Variants in MIOS observed in about 807,000 individuals in gnomAD.
The protein encoded by MIOS is meiosis regulator for oocyte development.
Under a neutral mutation model 96.9 loss-of-function variants are expected in MIOS, and 52 were observed. The observed-to-expected ratio is 0.54, with a 90% CI of 0.43 to 0.68. The LOEUF is 0.68. MIOS is among the 30% of genes least tolerant of loss of function. The probability of loss-of-function intolerance (pLI) is 0.00; values close to 1 mark genes in which losing one functional copy is unlikely to be tolerated. For missense variants in MIOS, 1,005 were observed against 1,052.8 expected, an observed-to-expected ratio of 0.95 and a Z score of 0.63; for synonymous variants, 397 against 359.5, an observed-to-expected ratio of 1.10 and a Z score of -1.18.
At chr7:7,595,238 C>G in intron 10 of MIOS, 106 bp downstream of exon 10, 1 of 1,241,406 alleles carries the variant, frequency 8.1e-7, no homozygotes, top group Non-Finnish European at 1.1e-6. Flanking sequence ...CCATTGATGT[C>G]TTTGTCTTTT....
intron 8 of MIOS, among the ~76,000 whole-genome samples, chr7:7,589,127 T>C (rs1783974427): frequency 6.6e-6 from 1 of 152,146 alleles, no homozygotes; most frequent in Admixed American, 6.5e-5. Flanking sequence ...CGCAGAATAA[T>C]GAGGACAATT....
At chr7:7,567,204 CGCCGGGCGGCCGGCCGCCTG>C (rs1332080403) in intron 1 of MIOS, 132 bp downstream of exon 1, 4 of 152,156 alleles carry the variant, frequency 2.6e-5, no homozygotes, top group African/African-American at 9.7e-5. Flanking sequence ...AGGGTAATCG[CGCCGGGCGGCCGGCCGCCTG>C]GCCGGGCCTC....
At chr7:7,580,512 T>G (rs965646338) in intron 5 of MIOS, among the ~76,000 whole-genome samples, 1 of 152,154 alleles carries the variant, frequency 6.6e-6, no homozygotes, top group Non-Finnish European at 1.5e-5. Context: ...ATTTCCAAAA[T>G]TTTACAAATA....
Position 7,605,962 on chromosome 7 carries a change from A to T in MIOS, c.2422A>T (p.Lys808Ter). ...SCPGGTKSDE[K>*]VDLSKDKKLA... ...CATAGGAGGAACCAAATCAGATGAA[A>T]AAGTGGACTTGAGCAAGGACAAAAA... The change falls in exon 12 of 13, where the codon AAA (lysine) becomes TAA (stop). Residue 808 changes from lysine (K) to a stop codon, truncating the protein, a stop_gained. Coordinates refer to ENST00000340080, the MANE Select transcript of MIOS (RefSeq NM_019005.4). LOFTEE classifies it high-confidence loss of function. 2.5e-6 allele frequency: 4 copies of T among 1,613,770 alleles called. No individual in the cohort carries two copies. The highest frequency in any genetic ancestry group is 3.4e-6 in the Non-Finnish European group (4 of 1,179,742).
At chr7:7,587,603 A>C (rs1783929295) in intron 7 of MIOS, among the ~76,000 whole-genome samples, 1 of 152,172 alleles carries the variant, frequency 6.6e-6, no homozygotes, top group African/African-American at 2.4e-5. Context: ...AATGGGACAG[A>C]ATAATGTTTA....
chr7:7,583,641 A>G (rs79269928), intron 6 of MIOS, among the ~76,000 whole-genome samples: 2 of 152,124 alleles, frequency 1.3e-5, no homozygotes, highest in African/African-American at 4.8e-5. Flanking sequence ...TCCATTTTCA[A>G]TGTTTTCTCT....
intron 11 of MIOS, chr7:7,605,688 C>G: frequency 5.8e-6 from 2 of 342,014 alleles, no homozygotes; most frequent in East Asian, 5.7e-5. Context: ...TTTGGTCTCT[C>G]CAAAGTTTTA....
chr7:7,582,636 A>G (rs542927568), intron 5 of MIOS: 2 of 979,192 alleles, frequency 2.0e-6, no homozygotes, highest in African/African-American at 3.5e-5. Flanking sequence ...ACAGAGAAAG[A>G]AGGAAGAAAG....
chr7:7,602,800 C>G (rs544062275), intron 11 of MIOS, among the ~76,000 whole-genome samples: 1 of 152,140 alleles, frequency 6.6e-6, no homozygotes, highest in East Asian at 1.9e-4. Context: ...GGAGGCATCA[C>G]ACTACCTGAC....
intron 11 of MIOS, among the ~76,000 whole-genome samples, chr7:7,601,771 AAAG>A (rs1324089141): frequency 6.6e-6 from 1 of 152,228 alleles, no homozygotes; most frequent in Non-Finnish European, 1.5e-5. Flanking sequence ...CACAACAAAA[AAAG>A]AGAATTTTAG....
intron 11 of MIOS, among the ~76,000 whole-genome samples, chr7:7,599,932 A>G (rs973936558): frequency 6.6e-6 from 1 of 152,180 alleles, no homozygotes; most frequent in Non-Finnish European, 1.5e-5. Context: ...CAGGAACAGA[A>G]AACCAAATAC....
intron 11 of MIOS, among the ~76,000 whole-genome samples, chr7:7,601,436 A>G (rs1784375858): frequency 1.3e-5 from 2 of 152,230 alleles, no homozygotes; most frequent in Non-Finnish European, 2.9e-5. Context: ...AGAGAATACC[A>G]TAAACACCTC....
chr7:7,588,735 A>T (rs1485049731), intron 8 of MIOS, among the ~76,000 whole-genome samples, 172 bp downstream of exon 8: 2 of 152,150 alleles, frequency 1.3e-5, no homozygotes, highest in African/African-American at 4.8e-5. Context: ...CCATAACTAA[A>T]TTTATTTGTT....
intron 9 of MIOS, among the ~76,000 whole-genome samples, chr7:7,594,654 T>G (rs1031969297): frequency 5.3e-5 from 8 of 152,194 alleles, no homozygotes; most frequent in African/African-American, 1.9e-4. Context: ...TTTTAATTGC[T>G]GGGACAAAGG....
At chr7:7,597,506 ATATATATATATG>A (rs1784247304) in intron 11 of MIOS, among the ~76,000 whole-genome samples, 2 of 62,806 alleles carry the variant, frequency 3.2e-5, no homozygotes, top group African/African-American at 1.1e-4. Flanking sequence ...ATATATATAT[ATATATATATATG>A]AAGGCAATAC....
Position 7,572,690 on chromosome 7 carries a change from A to C in MIOS, c.215A>C (p.Tyr72Ser). ...YMKCVAWYLN[Y>S]DPECLLAVGQ... Reference sequence around the variant, plus strand: ...AAATGTGTTGCCTGGTATCTTAATTATGATCCTGAATGTCTGCTGGCAGTT... The same window carrying C: ...AAATGTGTTGCCTGGTATCTTAATTCTGATCCTGAATGTCTGCTGGCAGTT... Residue 72 changes from tyrosine to serine, a missense_variant, in exon 4 of 13, where the codon TAT becomes TCT. Physicochemically the swap from Tyr to Ser is moderately radical, Grantham distance 144 (BLOSUM62 -2). This residue lies in a region of MIOS where 137 missense variants were observed against 148.6 expected (regional missense o/e 0.92). Transcript: ENST00000340080. This position sits in a 1 kb window ranked among gnomAD's most constrained non-coding sequence, Gnocchi z 4.8. 2 of 1,614,208 alleles carry C rather than the reference A, an allele frequency of 1.2e-6. No individual in the cohort carries two copies. The highest frequency in any genetic ancestry group is 1.7e-6 in the Non-Finnish European group (2 of 1,180,016).
intron 11 of MIOS, among the ~76,000 whole-genome samples, chr7:7,597,479 T>A (rs6973938): frequency 0.063 from 1,507 of 23,960 alleles, 31 homozygotes; most frequent in East Asian, 0.16. Flanking sequence ...TATATATATA[T>A]ATATATATAT....
intron 5 of MIOS, among the ~76,000 whole-genome samples, chr7:7,581,183 G>A (rs868284312): frequency 3.3e-5 from 5 of 151,338 alleles, no homozygotes; most frequent in African/African-American, 1.2e-4. Context: ...TTAGCCGGGT[G>A]TGGTGGTGTG....
In MIOS at chr7:7,607,216, C is replaced by A. The variant is rs1784557408; in HGVS notation, c.*124C>A. 1 of 655,464 alleles carries A rather than the reference C, an allele frequency of 1.5e-6. No individual in the cohort carries two copies. The highest frequency in any genetic ancestry group is 2.5e-6 in the Non-Finnish European group (1 of 395,454). 40.6% of individuals were successfully genotyped at this position (655,464 alleles called of 1,614,324 possible). ...ACCTGTAATGGGAAAATAAATCATTCTATCAGATCAGCAGTTTTGATGTTT... is the reference window on the plus strand; with the variant it reads ...ACCTGTAATGGGAAAATAAATCATTATATCAGATCAGCAGTTTTGATGTTT... On this transcript the variant is annotated 3_prime_UTR_variant, in exon 13 of 13. Coordinates refer to ENST00000340080, the MANE Select transcript of MIOS (RefSeq NM_019005.4).
Sources: gnomAD v4.1 joint callset for allele counts (sites outside exome capture counted in the v4.1 genomes callset) on GRCh38, gnomAD v4.1.1 for gene constraint, gnomAD v4.1.1 regional missense constraint, Gnocchi (gnomAD v3.1) non-coding constraint, MANE v1.5 for transcripts, NCBI Gene and HGNC (gene_info 2026-07-23, HGNC 2026-07-21) for gene names.